The following NPHP1 variants were observed in gnomAD, a reference collection of about 807,000 sequenced individuals.
NPHP1 encodes the protein nephrocystin 1, also known as nephrocystin-1.
NPHP1 carries 70 observed loss-of-function variants against 90.4 expected under a neutral mutation model. That is an observed-to-expected ratio of 0.77 (90% CI 0.64 to 0.95). The LOEUF (loss-of-function observed/expected upper bound fraction) is 0.95, where lower values mean the gene tolerates loss of function less well. Ranked by LOEUF, NPHP1 falls within the 40% of genes least tolerant of loss-of-function variation. The pLI is 0.00. For synonymous variants in NPHP1, 256 were observed against 271.7 expected (o/e 0.94, Z 0.57); for missense variants, 764 against 795.9 (o/e 0.96, Z 0.48).
intron 1 of NPHP1, among the ~76,000 whole-genome samples, chr2:110,204,696 G>A (rs1375338519): frequency 6.6e-6 from 1 of 152,086 alleles, no homozygotes; most frequent in African/African-American, 2.4e-5. Context: ...GCCTTTGGCT[G>A]GGGGTTGAGT....
chr2:110,164,325 C>T (rs1682552805), intron 8 of NPHP1: 1 of 592,918 alleles, frequency 1.7e-6, no homozygotes. Context: ...GTGTGAATCA[C>T]CATGCCTGGC....
chr2:110,158,421 C>T (rs1223575583), intron 11 of NPHP1, among the ~76,000 whole-genome samples: 2 of 151,992 alleles, frequency 1.3e-5, no homozygotes, highest in Non-Finnish European at 2.9e-5. Flanking sequence ...AATAGAGGCC[C>T]CAACTATAAT....
intron 11 of NPHP1, among the ~76,000 whole-genome samples, chr2:110,157,752 C>T (rs1205892931): frequency 1.3e-5 from 2 of 152,136 alleles, no homozygotes; most frequent in African/African-American, 4.8e-5. Flanking sequence ...TTATCATCAC[C>T]ACCTCTCATC....
chr2:110,160,794 G>A (rs984725837), intron 10 of NPHP1, among the ~76,000 whole-genome samples: 1 of 152,114 alleles, frequency 6.6e-6, no homozygotes, highest in African/African-American at 2.4e-5. Flanking sequence ...TTGGCATTCT[G>A]ATTTTTTATT....
rs199652714 is a variant in NPHP1 at position 110,201,383 on chromosome 2, C to T, written c.143+38G>A. 1,979 of 1,275,722 alleles carry T rather than the reference C, an allele frequency of 1.6e-3. 12 individuals are homozygous for T. The highest frequency in any genetic ancestry group is 1.6e-3 in the Non-Finnish European group (1,414 of 878,272). The allele number at this position is 1,275,722 out of a possible 1,614,324, so 79.0% of individuals were successfully genotyped here. A position where few individuals can be genotyped will look rare whatever the true frequency, so the allele number is the denominator to read the frequency against. ...AATACTATGCATTGAAATGTAAGTGCGGTTCCTGTAAAGCTTATATAATTT... is the reference window on the plus strand; with the variant it reads ...AATACTATGCATTGAAATGTAAGTGTGGTTCCTGTAAAGCTTATATAATTT... On this transcript the variant is annotated intron_variant, in intron 2 of 19. Transcript: ENST00000445609.
chr2:110,131,818 A>G, intron 16 of NPHP1, 27 bp from the exon 17 acceptor site: 1 of 1,334,042 alleles, frequency 7.5e-7, no homozygotes, highest in Middle Eastern at 1.9e-4. Flanking sequence ...AAATGTATTC[A>G]TTAGACAATC....
chr2:110,154,738 T>C (rs1205420339), intron 11 of NPHP1, among the ~76,000 whole-genome samples: 1 of 152,104 alleles, frequency 6.6e-6, no homozygotes, highest in Non-Finnish European at 1.5e-5. Context: ...GGGTATCTGT[T>C]GGAAGAAATT....
intron 12 of NPHP1, among the ~76,000 whole-genome samples, chr2:110,149,093 G>A (rs748840285): frequency 8.5e-5 from 13 of 152,156 alleles, no homozygotes; most frequent in Non-Finnish European, 1.9e-4. Context: ...GGTAATGTAC[G>A]TAAGAGCCTG....
chr2:110,203,708 A>C (rs949357839), intron 1 of NPHP1, among the ~76,000 whole-genome samples: 4 of 152,176 alleles, frequency 2.6e-5, no homozygotes, highest in Admixed American at 6.5e-5. Context: ...TCACATGAAA[A>C]AAATTAAAGT....
intron 19 of NPHP1, chr2:110,124,597 T>C (rs931367344): frequency 4.9e-6 from 1 of 203,998 alleles, no homozygotes; most frequent in Admixed American, 5.2e-5. Context: ...ATAAGAATGG[T>C]GCAGCATCAG....
chr2:110,126,041 C>T, intron 18 of NPHP1: 1 of 300,644 alleles, frequency 3.3e-6, no homozygotes, highest in South Asian at 3.9e-5. Context: ...ATAGAAAACA[C>T]TGCCAAATAC....
chr2:110,203,804 G>GTT (rs529602848), intron 1 of NPHP1, among the ~76,000 whole-genome samples: 6 of 144,208 alleles, frequency 4.2e-5, no homozygotes, highest in Non-Finnish European at 4.6e-5. Flanking sequence ...TTTTTAAAAA[G>GTT]TTTTTTTTTT....
intron 17 of NPHP1, 36 bp from the exon 18 acceptor site, chr2:110,129,295 A>C: frequency 6.8e-7 from 1 of 1,475,032 alleles, no homozygotes; most frequent in Non-Finnish European, 9.5e-7. Context: ...TTTTATGCAA[A>C]CTTCACTCAA....
At chr2:110,165,713 AT>A (rs1682680937) in intron 6 of NPHP1, among the ~76,000 whole-genome samples, 1 of 152,216 alleles carries the variant, frequency 6.6e-6, no homozygotes, top group South Asian at 2.1e-4. Context: ...ATATCTAAGG[AT>A]TAATATCCTG....
At chr2:110,133,745 T>A (rs1679962790) in intron 16 of NPHP1, among the ~76,000 whole-genome samples, 1 of 150,466 alleles carries the variant, frequency 6.6e-6, no homozygotes, top group Admixed American at 6.7e-5. Flanking sequence ...GGAAAACACA[T>A]AAATATGTGG....
chr2:110,129,136 T>A (rs1183878492), intron 18 of NPHP1, 50 bp downstream of exon 18: 1 of 1,388,768 alleles, frequency 7.2e-7, no homozygotes, highest in South Asian at 1.2e-5. Context: ...ACAGAGTGTA[T>A]AACTGCTTCC....
rs1211979293 is a variant in NPHP1, at chr2:110,172,567, G to T, written c.330-2569C>A. On this transcript the variant is annotated intron_variant, in intron 4 of 19. Transcript: ENST00000445609. ...AGGCTGAGGTGGGAGGATTGCATAA[G>T]CCCATGAGTTCAAGACCAGCCTGAG... Among the ~76,000 whole-genome samples the T allele has an allele frequency of 2.0e-5, 3 of 151,998 alleles. No homozygotes were observed. The East Asian group carries it at 5.8e-4, about 29-fold the overall frequency.
chr2:110,128,237 AC>A (rs1193308178), intron 18 of NPHP1: 3 of 151,788 alleles, frequency 2.0e-5, no homozygotes, highest in Non-Finnish European at 4.4e-5. Flanking sequence ...AGCAGGAGTC[AC>A]CCCCTAATAT....
intron 2 of NPHP1, among the ~76,000 whole-genome samples, chr2:110,194,959 C>T (rs190066536): frequency 4.4e-4 from 67 of 152,184 alleles, no homozygotes; most frequent in African/African-American, 1.2e-3. Context: ...ATTTAACAAC[C>T]CTTTATGCTA....
Sources: allele counts gnomAD v4.1 joint callset (sites outside exome capture counted in the v4.1 genomes callset), GRCh38; gene constraint gnomAD v4.1.1; transcripts MANE v1.5; gene names NCBI Gene and HGNC (gene_info 2026-07-23, HGNC 2026-07-21).